FRMPD3: variants seen among roughly 807,000 people sequenced by gnomAD.
FRMPD3 encodes the protein FERM and PDZ domain-containing protein 3.
FRMPD3 carries 42 observed loss-of-function variants against 97.9 expected under a neutral mutation model. That is an observed-to-expected ratio of 0.43 (90% confidence interval 0.34 to 0.55). FRMPD3 has a LOEUF of 0.55. Ranked by LOEUF, FRMPD3 falls within the 20% of genes least tolerant of loss-of-function variation. The probability of loss-of-function intolerance (pLI) is 0.03; values close to 1 mark genes in which losing one functional copy is unlikely to be tolerated. For missense variants in FRMPD3, 1,303 were observed against 1,457.7 expected (o/e 0.89, Z 1.73); for synonymous variants, 577 against 581.1 (o/e 0.99, Z 0.10).
chrX:107,577,199 A>T (rs1419452163), intron 13 of FRMPD3, among the ~76,000 whole-genome samples: 1 of 104,990 alleles, frequency 9.5e-6, no homozygotes, highest in African/African-American at 3.5e-5. Context: ...AATACAAAAA[A>T]TAGGCCAGGC....
In FRMPD3 at chrX:107,603,154, T is replaced by G. The variant is rs1158897999; in HGVS notation, c.5115T>G (p.Arg1705=). ...TGAGGAACTACACCTTCCTGCTGCG[T>G]GCAGCTGAGGAGTCCACAGCCCGTA... ...EVVRNYTFLL[R]AAEESTARNL... The change falls in exon 15 of 15, where the codon CGT becomes CGG. Residue 1705 remains arginine, a synonymous_variant. Coordinates refer to ENST00000683843, the MANE Select transcript of FRMPD3 (RefSeq NM_001388459.1). 4 of 1,149,661 alleles carry G rather than the reference T, an allele frequency of 3.5e-6. No individual in the cohort carries two copies. Among genetic ancestry groups the G allele is most frequent in the Non-Finnish European group, 4.6e-6 (4 of 865,054 alleles). The allele number at this position is 1,149,661 out of a possible 1,213,427, so 94.7% of individuals were successfully genotyped here.
intron 2 of FRMPD3, among the ~76,000 whole-genome samples, chrX:107,527,374 TATC>T (rs1404424082): frequency 1.8e-5 from 2 of 112,513 alleles, no homozygotes; most frequent in Admixed American, 9.4e-5. Flanking sequence ...AAATAAGTAA[TATC>T]ATTCCCATTT....
Position 107,462,041 on chromosome X carries a change from G to A in FRMPD3, c.-8+12036G>A, listed in dbSNP as rs1485533695. 1.5e-4 allele frequency among the ~76,000 whole-genome samples: 17 copies of A among 110,074 alleles called. No homozygotes were observed. The Admixed American group carries it at 1.6e-3, about 10-fold the overall frequency. On this transcript the variant is annotated intron_variant, in intron 1 of 14. Transcript: ENST00000683843. ...CCTCTAACCAACAAGCTCAAGTCCA[G>A]CCTCTGCTATGAAGACTTCCTGATT...
At chrX:107,558,800 C>T (rs1292395521) in intron 8 of FRMPD3, among the ~76,000 whole-genome samples, 2 of 110,903 alleles carry the variant, frequency 1.8e-5, no homozygotes, top group Non-Finnish European at 3.8e-5. Flanking sequence ...TCTCCTGCCT[C>T]AGCTTCCCAA....
At chrX:107,458,959 A>G (rs1931421030) in intron 1 of FRMPD3, among the ~76,000 whole-genome samples, 1 of 111,509 alleles carries the variant, frequency 9.0e-6, no homozygotes, top group Non-Finnish European at 1.9e-5. Context: ...TTTTTGTCTC[A>G]CTCGCTCCTT....
chrX:107,596,566 A>T (rs1425567138), intron 13 of FRMPD3, among the ~76,000 whole-genome samples: 1 of 112,154 alleles, frequency 8.9e-6, no homozygotes, highest in Non-Finnish European at 1.9e-5. Flanking sequence ...GGTTGACGAG[A>T]GCATTTGCCA....
intron 10 of FRMPD3, 39 bp downstream of exon 10, chrX:107,560,892 C>G: frequency 8.6e-7 from 1 of 1,156,142 alleles, no homozygotes; most frequent in South Asian, 2.1e-5. Flanking sequence ...GCTCCAGGCA[C>G]TACTGGCCAC....
At chrX:107,464,662 G>C (rs1171517629) in intron 1 of FRMPD3, among the ~76,000 whole-genome samples, 1 of 111,541 alleles carries the variant, frequency 9.0e-6, no homozygotes, top group East Asian at 2.8e-4. Context: ...TTTATTAGCT[G>C]CCTGATGTTG....
At position 107,604,768 on chromosome X, in the gene FRMPD3, AGAGGCCCAT is replaced by A. The variant is rs1924754407; in HGVS notation, c.*1397_*1405del. The A allele has an allele frequency of 9.0e-6, 1 of 111,205 alleles. No homozygotes were observed. Among genetic ancestry groups the A allele is most frequent in the South Asian group, 3.8e-4 (1 of 2,609 alleles). 9.2% of individuals were successfully genotyped at this position (111,205 alleles called of 1,213,427 possible). A position where few individuals can be genotyped will look rare whatever the true frequency, so the allele number is the denominator to read the frequency against. On this transcript the variant is annotated 3_prime_UTR_variant, in exon 15 of 15. Transcript: ENST00000683843. ...TCTGCCTCTGTTTCATCACTGTGTCAGAGGCCCATGTGAAATCTTTCATTCTGATGTGAG... is the reference window on the plus strand; with the variant it reads ...TCTGCCTCTGTTTCATCACTGTGTCAGTGAAATCTTTCATTCTGATGTGAG...
At chrX:107,480,645 C>T (rs979482649) in intron 1 of FRMPD3, among the ~76,000 whole-genome samples, 8 of 108,113 alleles carry the variant, frequency 7.4e-5, no homozygotes, top group Admixed American at 2.0e-4. Context: ...GCCTGGCCAA[C>T]GTGGCAAAAC....
At chrX:107,459,183 G>A (rs1303876338) in intron 1 of FRMPD3, among the ~76,000 whole-genome samples, 1 of 112,650 alleles carries the variant, frequency 8.9e-6, no homozygotes, top group African/African-American at 3.2e-5. Context: ...GCCAAGCTGG[G>A]GTGCTGAGTA....
rs780770643 is a variant in FRMPD3 at position 107,467,311 on chromosome X, CAG to C, written c.-8+17315_-8+17316del. 8.2e-5 allele frequency among the ~76,000 whole-genome samples: 9 copies of C among 110,151 alleles called. No individual in the cohort carries two copies. In the East Asian group the frequency reaches 1.4e-3, roughly 18 times the overall value. On this transcript the variant is annotated intron_variant, in intron 1 of 14. Coordinates refer to ENST00000683843, the MANE Select transcript of FRMPD3 (RefSeq NM_001388459.1). ...TGTGAGTGTGAGTGTGTGTGTGTGA[CAG>C]AGAGAGAGTGCAAGCACATGTGTGG...
In FRMPD3 at chrX:107,601,332, G is replaced by T. The variant is rs1332591475; in HGVS notation, c.3293G>T (p.Gly1098Val). 4 of 1,206,517 alleles carry T rather than the reference G, an allele frequency of 3.3e-6. No homozygotes were observed. Among genetic ancestry groups the T allele is most frequent in the Admixed American group, 4.4e-5 (2 of 45,664 alleles). ...GGTAAGCCCACCCTGCAGAAGCAGGGCACCATCTCCAGCCAAGGGGAGAAG... is the reference window on the plus strand; with the variant it reads ...GGTAAGCCCACCCTGCAGAAGCAGGTCACCATCTCCAGCCAAGGGGAGAAG... ...VGGKPTLQKQGTISSQGEKAQ... is the reference protein window; with the variant it reads ...VGGKPTLQKQVTISSQGEKAQ... The change falls in exon 15 of 15, where the codon GGC becomes GTC. Residue 1098 changes from glycine to valine, a missense_variant. By Grantham distance (109) the Gly-to-Val change is moderately radical. Around this residue, in one of 3 missense-constraint regions of FRMPD3, gnomAD observed 764 missense variants for 820.2 expected, o/e 0.93. Transcript: ENST00000683843.
At chrX:107,514,297 A>T (rs1922245754) in intron 1 of FRMPD3, among the ~76,000 whole-genome samples, 1 of 111,245 alleles carries the variant, frequency 9.0e-6, no homozygotes, top group Non-Finnish European at 1.9e-5. Context: ...TTGCAGTAGG[A>T]AATGTCTGAA....
At chrX:107,497,454 C>A (rs966450128) in intron 1 of FRMPD3, among the ~76,000 whole-genome samples, 1 of 112,389 alleles carries the variant, frequency 8.9e-6, no homozygotes, top group Non-Finnish European at 1.9e-5. Flanking sequence ...TTCTCATTGC[C>A]CTGCAGCAGA....
intron 13 of FRMPD3, among the ~76,000 whole-genome samples, chrX:107,595,205 T>C (rs924875937): frequency 4.6e-5 from 5 of 109,591 alleles, no homozygotes; most frequent in African/African-American, 1.7e-4. Flanking sequence ...TAATCCCAGC[T>C]ACTTGGGAGG....
rs190425809 is a variant in FRMPD3, at chrX:107,531,966, C to T, written c.251+1455C>T. On this transcript the variant is annotated intron_variant, in intron 3 of 14. Transcript: ENST00000683843. ...TCATTCATTCATTCAGTCAGTCAGTCAATCAACCAGTATTTATTGTTGTCC... is the reference window on the plus strand; with the variant it reads ...TCATTCATTCATTCAGTCAGTCAGTTAATCAACCAGTATTTATTGTTGTCC... 5.4e-3 allele frequency among the ~76,000 whole-genome samples: 604 copies of T among 111,962 alleles called. 3 individuals are homozygous for T. Among genetic ancestry groups the T allele is most frequent in the South Asian group, 0.025 (65 of 2,639 alleles).
At chrX:107,555,785 G>C (rs73522845) in intron 8 of FRMPD3, among the ~76,000 whole-genome samples, 3,239 of 111,565 alleles carry the variant, frequency 0.029, 101 homozygotes, top group African/African-American at 0.1. Flanking sequence ...ATTATTAAAA[G>C]AGAAGAATAG....
intron 1 of FRMPD3, among the ~76,000 whole-genome samples, chrX:107,472,814 G>C (rs1234349604): frequency 1.8e-5 from 2 of 112,345 alleles, no homozygotes; most frequent in Admixed American, 1.9e-4. Context: ...TTGTGACTTA[G>C]GGCAAGTCAC....
Sources: allele counts gnomAD v4.1 joint callset (sites outside exome capture counted in the v4.1 genomes callset), GRCh38; gene constraint gnomAD v4.1.1; regional missense constraint gnomAD v4.1.1; transcripts MANE v1.5; gene names NCBI Gene and HGNC (gene_info 2026-07-23, HGNC 2026-07-21).